ADA2: variants seen among roughly 807,000 people sequenced by gnomAD.
ADA2 encodes adenosine deaminase CECR1.
Under a neutral mutation model 44.2 loss-of-function variants are expected in ADA2, and 29 were observed. The observed-to-expected ratio is 0.66, with a 90% confidence interval of 0.49 to 0.89. The LOEUF (loss-of-function observed/expected upper bound fraction) is 0.89. Among genes scored for constraint, ADA2 ranks in the 40% least tolerant of loss-of-function variants. The pLI, the probability that ADA2 is intolerant of heterozygous loss-of-function variation, is 0.00. For synonymous variants in ADA2, 215 were observed against 234.9 expected (o/e 0.92, Z 0.77); for missense variants, 637 against 644.8 (o/e 0.99, Z 0.13).
chr22:17,190,259 G>T (rs79914509), intron 5 of ADA2, among the ~76,000 whole-genome samples: 3,377 of 152,304 alleles, frequency 0.022, 124 homozygotes, highest in African/African-American at 0.077. Flanking sequence ...TGGCTCTGGG[G>T]GCACCTGTAG....
At chr22:17,185,937 G>T (rs1485738846) in intron 7 of ADA2, among the ~76,000 whole-genome samples, 1 of 152,186 alleles carries the variant, frequency 6.6e-6, no homozygotes, top group African/African-American at 2.4e-5. Flanking sequence ...CTTTGGATCT[G>T]AAATTGCAGC....
chr22:17,216,114 G>C (rs2062468793), intron 1 of ADA2, among the ~76,000 whole-genome samples: 1 of 152,078 alleles, frequency 6.6e-6, no homozygotes, highest in Non-Finnish European at 1.5e-5. Context: ...TTGAACCTGA[G>C]AGGCGGAGGT....
intron 5 of ADA2, 103 bp downstream of exon 5, chr22:17,191,580 C>T: frequency 7.7e-7 from 1 of 1,297,050 alleles, no homozygotes; most frequent in Non-Finnish European, 1.1e-6. Context: ...CTGGGCCTCT[C>T]CCGGCCTCCC....
At chr22:17,218,539 C>CA (rs1329417723) in intron 1 of ADA2, among the ~76,000 whole-genome samples, 1 of 152,106 alleles carries the variant, frequency 6.6e-6, no homozygotes, top group African/African-American at 2.4e-5. Context: ...CCCCATGCCA[C>CA]ATTCTCCATC....
rs760971725 is a variant in ADA2, at chr22:17,190,018, G to A, written c.896C>T (p.Ala299Val). Residue 299 changes from alanine to valine, a missense_variant, in exon 6 of 10, where the codon GCT (alanine) becomes GTT (valine). By Grantham distance (64) the Ala-to-Val change is moderately conservative (BLOSUM62 0). Transcript: ENST00000399837. ...IYSDHRSKDVAVIAESIRMAM... is the reference protein window; with the variant it reads ...IYSDHRSKDVVVIAESIRMAM... ...CATTCGGATGGATTCTGCGATGACA[G>A]CCACATCTTTGGATCTGTGAGACAG... 1.2e-6 allele frequency: 2 copies of A among 1,613,408 alleles called. No individual in the cohort carries two copies. The highest frequency in any genetic ancestry group is 1.7e-6 in the Non-Finnish European group (2 of 1,179,336).
intron 4 of ADA2, chr22:17,199,445 C>CACCCTCCCCTCCTCTA: frequency 8.9e-7 from 1 of 1,123,200 alleles, no homozygotes; most frequent in Non-Finnish European, 1.4e-6. Context: ...TCCTCTTCCC[C>CACCCTCCCCTCCTCTA]TCCACCCACG....
At chr22:17,199,440 T>TTCCCCTCCCTCCCCTCCTCTATCCTCA in intron 4 of ADA2, 28 of 1,027,908 alleles carry the variant, frequency 2.7e-5, no homozygotes, top group Non-Finnish European at 3.2e-5. Flanking sequence ...CTCTATCCTC[T>TTCCCCTCCCTCCCCTCCTCTATCCTCA]TCCCCTCCAC....
intron 4 of ADA2, chr22:17,199,442 C>CCCCTCCCTCCCCTCCTCTATCCTCTTA: frequency 1.9e-5 from 19 of 1,022,640 alleles, no homozygotes; most frequent in Non-Finnish European, 2.2e-5. Context: ...CTATCCTCTT[C>CCCCTCCCTCCCCTCCTCTATCCTCTTA]CCCTCCACCC....
intron 4 of ADA2, chr22:17,199,440 T>TTCCCCACCCTCCCCTCCTCTATCCTCA: frequency 9.7e-7 from 1 of 1,027,938 alleles, no homozygotes; most frequent in Non-Finnish European, 1.5e-6. Flanking sequence ...CTCTATCCTC[T>TTCCCCACCCTCCCCTCCTCTATCCTCA]TCCCCTCCAC....
intron 4 of ADA2, chr22:17,193,381 A>T: frequency 2.4e-6 from 1 of 419,098 alleles, no homozygotes; most frequent in South Asian, 2.8e-5. Context: ...AAAAAAAAAA[A>T]AAAAGGACAG....
intron 1 of ADA2, among the ~76,000 whole-genome samples, chr22:17,214,414 T>C (rs1218021001): frequency 6.6e-6 from 1 of 152,220 alleles, no homozygotes; most frequent in African/African-American, 2.4e-5. Flanking sequence ...TTTCTAAGTT[T>C]ATTCAGAGGT....
intron 7 of ADA2, 46 bp downstream of exon 7, chr22:17,188,293 C>T (rs1402666142): frequency 7.1e-7 from 1 of 1,417,050 alleles, no homozygotes; most frequent in Non-Finnish European, 1.0e-6. Flanking sequence ...CAGGAGCTCT[C>T]CCATTGACCA....
intron 6 of ADA2, 57 bp from the exon 7 acceptor site, chr22:17,188,504 T>TGGC (rs2062067318): frequency 3.4e-6 from 4 of 1,183,146 alleles, no homozygotes; most frequent in Non-Finnish European, 5.0e-6. Context: ...CACTTGCTGA[T>TGGC]GGCGCGCCCT....
chr22:17,218,108 T>A (rs190671573), intron 1 of ADA2, among the ~76,000 whole-genome samples: 39 of 152,250 alleles, frequency 2.6e-4, no homozygotes, highest in Admixed American at 2.4e-3. Context: ...TGGATAGGGG[T>A]TATGTTGACA....
intron 4 of ADA2, among the ~76,000 whole-genome samples, chr22:17,197,776 C>T (rs1218974149): frequency 1.3e-5 from 2 of 152,192 alleles, no homozygotes; most frequent in East Asian, 1.9e-4. Flanking sequence ...CGGTGGCTCA[C>T]GCCTATAATC....
intron 7 of ADA2, among the ~76,000 whole-genome samples, chr22:17,184,198 T>C (rs1487014532): frequency 6.6e-6 from 1 of 151,132 alleles, no homozygotes; most frequent in Admixed American, 6.6e-5. Context: ...TCACCTGACC[T>C]TGTGATCCAC....
intron 7 of ADA2, 97 bp downstream of exon 7, chr22:17,188,242 A>C: frequency 1.3e-6 from 1 of 783,294 alleles, no homozygotes; most frequent in South Asian, 1.6e-5. Flanking sequence ...AGGGCTCTGG[A>C]AACGCCTGTA....
At chr22:17,194,308 T>C (rs1217800187) in intron 4 of ADA2, among the ~76,000 whole-genome samples, 1 of 152,138 alleles carries the variant, frequency 6.6e-6, no homozygotes, top group East Asian at 1.9e-4. Flanking sequence ...AAATGGGCCC[T>C]TGGGAGTCCA....
intron 4 of ADA2, among the ~76,000 whole-genome samples, chr22:17,201,307 C>T (rs1271659697): frequency 4.6e-5 from 7 of 152,138 alleles, no homozygotes; most frequent in African/African-American, 1.4e-4. Context: ...TTCTTGTTTA[C>T]ACATCTATCC....
Sources: gnomAD v4.1 joint callset for allele counts (sites outside exome capture counted in the v4.1 genomes callset) on GRCh38, gnomAD v4.1.1 for gene constraint, MANE v1.5 for transcripts, NCBI Gene and HGNC (gene_info 2026-07-23, HGNC 2026-07-21) for gene names.